The following CAST variants were observed in gnomAD, a reference collection of about 807,000 sequenced individuals.
The protein encoded by CAST is MIR583 host.
A neutral mutation model predicts 119.6 loss-of-function variants in CAST; 76 were observed. The observed-to-expected ratio is 0.64, with a 90% CI of 0.53 to 0.77. The LOEUF is 0.77. Among genes scored for constraint, CAST ranks in the 30% least tolerant of loss-of-function variants. CAST has a pLI of 0.00. For synonymous variants in CAST, 319 were observed against 331.6 expected (o/e 0.96, Z 0.41); for missense variants, 953 against 946.5 (o/e 1.01, Z -0.09).
intron 1 of CAST, among the ~76,000 whole-genome samples, chr5:96,612,066 A>G (rs1747372711): frequency 1.3e-5 from 2 of 152,202 alleles, no homozygotes; most frequent in African/African-American, 2.4e-5. Flanking sequence ...TAGCACTACA[A>G]TTTGACCCAG....
chr5:96,441,096 C>T, the CAST span, among the ~76,000 whole-genome samples: 7 of 152,294 alleles, frequency 4.6e-5, no homozygotes, highest in African/African-American at 1.7e-4. Context: ...AGTTATTATA[C>T]ATAACATACT....
At chr5:96,332,336 G>C in the CAST span, among the ~76,000 whole-genome samples, 16 of 151,722 alleles carry the variant, frequency 1.1e-4, no homozygotes, top group Non-Finnish European at 1.9e-4. Flanking sequence ...CTTGAGCAGC[G>C]TTTCCCAGAC....
intron 16 of CAST, among the ~76,000 whole-genome samples, chr5:96,745,194 G>A (rs142711237): frequency 5.9e-4 from 90 of 152,260 alleles, no homozygotes; most frequent in African/African-American, 2.0e-3. Flanking sequence ...TCCAGATGCC[G>A]AAATAGAGCG....
At chr5:96,417,634 G>A in the CAST span, among the ~76,000 whole-genome samples, 1 of 152,090 alleles carries the variant, frequency 6.6e-6, no homozygotes, top group Non-Finnish European at 1.5e-5. Flanking sequence ...AGTGCTTGGT[G>A]TCCTGAGAAC....
chr5:96,757,520 A>T lies in CAST; in HGVS notation c.1761+26A>T, dbSNP rs767077762. On this transcript the variant is annotated intron_variant, in intron 23 of 31. Transcript: ENST00000675179. ...GTAAGCAAACCAGTTTTCTCTGAGG[A>T]TATCTTTTCCTTTTGGCCCTGATTG... The T allele has an allele frequency of 1.9e-6, 3 of 1,612,918 alleles. No homozygotes were observed. In the African/African-American group the frequency reaches 4.0e-5, roughly 22 times the overall value.
At chr5:96,223,288 A>T in the CAST span, among the ~76,000 whole-genome samples, 1 of 152,214 alleles carries the variant, frequency 6.6e-6, no homozygotes, top group African/African-American at 2.4e-5. Context: ...TGTTACCAAC[A>T]CAAATAAATA....
chr5:96,013,388 T>C, the CAST span, among the ~76,000 whole-genome samples: 1 of 152,042 alleles, frequency 6.6e-6, no homozygotes, highest in East Asian at 1.9e-4. Context: ...TATTATGTCT[T>C]GGATATATTC....
At chr5:96,321,531 G>A in the CAST span, among the ~76,000 whole-genome samples, 4 of 152,362 alleles carry the variant, frequency 2.6e-5, no homozygotes, top group African/African-American at 7.2e-5. Context: ...AGACTGGAAT[G>A]TTCTTTTCTT....
rs538639790 is a variant in CAST, at chr5:96,630,991, C to T, written c.61-44548C>T. On this transcript the variant is annotated intron_variant, in intron 1 of 11. Transcript: ENST00000505143. Reference sequence around the variant, plus strand: ...GAGTCTCCACCTGACTGCATTGCTTCATGGCACTGTGCTTTTGGACATTTG... The same window carrying T: ...GAGTCTCCACCTGACTGCATTGCTTTATGGCACTGTGCTTTTGGACATTTG... The T allele has an allele frequency of 5.0e-5, 7 of 140,996 alleles. 1 individual carries two copies. The highest frequency in any genetic ancestry group is 1.8e-4 in the African/African-American group (7 of 39,950). 8.7% of individuals were successfully genotyped at this position (140,996 alleles called of 1,614,324 possible). A position where few individuals can be genotyped will look rare whatever the true frequency, so the allele number is the denominator to read the frequency against.
upstream of CAST, chr5:96,662,327 C>G (rs899327600): frequency 2.7e-5 from 11 of 414,774 alleles, 1 homozygote; most frequent in Non-Finnish European, 4.2e-5. Flanking sequence ...TCCGCTCCCT[C>G]CCTCCCTCCC....
chr5:96,372,476 A>G, the CAST span, among the ~76,000 whole-genome samples: 1 of 152,020 alleles, frequency 6.6e-6, no homozygotes, highest in African/African-American at 2.4e-5. Context: ...GAAATTTGGA[A>G]CCCATTGGCC....
the CAST span, among the ~76,000 whole-genome samples, chr5:96,186,402 G>A: frequency 1.6e-4 from 24 of 152,268 alleles, no homozygotes; most frequent in Non-Finnish European, 2.5e-4. Flanking sequence ...GGAGTGGTGA[G>A]ACAGGGCATC....
At chr5:96,167,794 GA>G in the CAST span, among the ~76,000 whole-genome samples, 1 of 152,186 alleles carries the variant, frequency 6.6e-6, no homozygotes, top group Non-Finnish European at 1.5e-5. Context: ...CCCAGACCAA[GA>G]GGTATTTTAG....
At chr5:96,187,157 C>T in the CAST span, among the ~76,000 whole-genome samples, 1 of 152,242 alleles carries the variant, frequency 6.6e-6, no homozygotes, top group Admixed American at 6.5e-5. Context: ...ATAGTATTCT[C>T]TAATAGTTGT....
At chr5:96,630,072 T>G (rs751999013) in intron 1 of CAST, among the ~76,000 whole-genome samples, 12 of 152,162 alleles carry the variant, frequency 7.9e-5, no homozygotes, top group Non-Finnish European at 1.3e-4. Context: ...AATTAGTCAT[T>G]CATTCAAATA....
At chr5:96,241,276 T>C in the CAST span, among the ~76,000 whole-genome samples, 1 of 143,438 alleles carries the variant, frequency 7.0e-6, no homozygotes, top group African/African-American at 2.6e-5. Flanking sequence ...TATGTTCTCA[T>C]TGTTCAATTC....
At chr5:96,432,943 C>A in the CAST span, 2 of 1,614,252 alleles carry the variant, frequency 1.2e-6, no homozygotes, top group Non-Finnish European at 1.7e-6. Flanking sequence ...GCTGCCCATT[C>A]ATTGACAAAT....
chr5:96,534,967 G>C (rs2150178402), intron 1 of CAST, among the ~76,000 whole-genome samples: 1 of 151,884 alleles, frequency 6.6e-6, no homozygotes, highest in East Asian at 1.9e-4. Context: ...GAAAGAAAAA[G>C]AAAACTACAG....
chr5:96,477,664 T>G, the CAST span, among the ~76,000 whole-genome samples: 1 of 152,214 alleles, frequency 6.6e-6, no homozygotes, highest in Non-Finnish European at 1.5e-5. Context: ...CACATGTCCT[T>G]TTTCTCTACT....
Sources: gnomAD v4.1 joint callset for allele counts (sites outside exome capture counted in the v4.1 genomes callset) on GRCh38, gnomAD v4.1.1 for gene constraint, MANE v1.5 for transcripts, NCBI Gene and HGNC (gene_info 2026-07-23, HGNC 2026-07-21) for gene names.